Variants in SS18 observed in about 807,000 individuals in gnomAD.
SS18 encodes protein SSXT.
A neutral mutation model predicts 72.5 loss-of-function variants in SS18; 28 were observed. The ratio of observed to expected loss-of-function variants is 0.39; its 90% confidence interval spans 0.29 to 0.53. SS18 has a LOEUF of 0.53. Among genes scored for constraint, SS18 ranks in the 20% least tolerant of loss-of-function variants. The probability of loss-of-function intolerance (pLI) is 0.76; values close to 1 mark genes in which losing one functional copy is unlikely to be tolerated. For missense variants in SS18, 518 were observed against 535.3 expected, an observed-to-expected ratio of 0.97 and a Z score of 0.32; for synonymous variants, 172 against 164.2, an observed-to-expected ratio of 1.05 and a Z score of -0.37.
At chr18:26,071,834 A>T (rs547401905) in intron 3 of SS18, among the ~76,000 whole-genome samples, 1 of 149,780 alleles carries the variant, frequency 6.7e-6, no homozygotes, top group Non-Finnish European at 1.5e-5. Context: ...TCTCCAGAGG[A>T]AAAAAAAAAG....
At chr18:26,037,737 G>C (rs897081280) in intron 7 of SS18, among the ~76,000 whole-genome samples, 13 of 151,934 alleles carry the variant, frequency 8.6e-5, no homozygotes, top group African/African-American at 2.7e-4. Context: ...TAAGGCTTTT[G>C]GCAAACCCTA....
intron 7 of SS18, among the ~76,000 whole-genome samples, chr18:26,037,450 C>G (rs2053645379): frequency 6.6e-6 from 1 of 151,984 alleles, no homozygotes; most frequent in Admixed American, 6.6e-5. Flanking sequence ...CTACAACAAT[C>G]TTACTAAAGT....
rs1056464803 is a variant in SS18, at chr18:26,038,479, A to T, written c.880+76T>A. ...ATTGTTAGTTTCTTCGTCCTCACTG[A>T]AATGTTTTAAATAACTCTCTACATT... On this transcript the variant is annotated intron_variant, in intron 7 of 10. Coordinates refer to ENST00000415083, the MANE Select transcript of SS18 (RefSeq NM_001007559.3). 7 of 1,353,790 alleles carry T rather than the reference A, an allele frequency of 5.2e-6. No homozygotes were observed. The Admixed American group carries it at 1.2e-4, about 23-fold the overall frequency. 83.9% of individuals were successfully genotyped at this position (1,353,790 alleles called of 1,614,324 possible).
chr18:26,077,459 T>C (rs1301970765), intron 3 of SS18, among the ~76,000 whole-genome samples: 6 of 151,876 alleles, frequency 4.0e-5, no homozygotes, highest in Admixed American at 6.6e-5. Flanking sequence ...AACAAATAAA[T>C]GAAGATTTAA....
rs1307831975 is a variant in SS18, at chr18:26,017,774, T to TG, written c.*579dup. 5 of 223,816 alleles carry TG rather than the reference T, an allele frequency of 2.2e-5. No individual in the cohort carries two copies. The highest frequency in any genetic ancestry group is 3.6e-5 in the Non-Finnish European group (4 of 112,258). The allele number at this position is 223,816 out of a possible 1,614,324, so 13.9% of individuals were successfully genotyped here. ...AGAACAGAACAGTGGACATATGGTG[T>TG]GCTTTGTCTTCCCCTCACCTTTATC... On this transcript the variant is annotated 3_prime_UTR_variant, in exon 11 of 11. Transcript: ENST00000415083.
Position 26,039,288 on chromosome 18 carries a change from C to A in SS18, c.775+1G>T. On this transcript the variant is annotated splice_donor_variant, in intron 6 of 10. Coordinates refer to ENST00000415083, the MANE Select transcript of SS18 (RefSeq NM_001007559.3). LOFTEE classifies it high-confidence loss of function. ...AGCAAATTTTCCAAATGGAATCTTA[C>A]CCTGTTGAGGAGGTCTATAGGGAGG... 6.3e-7 allele frequency: 1 copy of A among 1,597,254 alleles called. No homozygotes were observed. Among genetic ancestry groups the A allele is most frequent in the Non-Finnish European group, 8.5e-7 (1 of 1,169,724 alleles).
intron 2 of SS18, chr18:26,080,361 G>A (rs1021065887): frequency 1.8e-5 from 18 of 985,384 alleles, no homozygotes; most frequent in South Asian, 4.7e-5. Flanking sequence ...ATGGTTGCAC[G>A]ACATGAGATT....
rs752469331 is a variant in SS18, at chr18:26,035,801, A to G, written c.973+30T>C. 1 of 1,441,140 alleles carries G rather than the reference A, an allele frequency of 6.9e-7. No homozygotes were observed. The highest frequency in any genetic ancestry group is 9.6e-7 in the Non-Finnish European group (1 of 1,041,022). The allele number at this position is 1,441,140 out of a possible 1,614,324, so 89.3% of individuals were successfully genotyped here. A position where few individuals can be genotyped will look rare whatever the true frequency, so the allele number is the denominator to read the frequency against. On this transcript the variant is annotated intron_variant, in intron 8 of 10. Coordinates refer to ENST00000415083, the MANE Select transcript of SS18 (RefSeq NM_001007559.3). The surrounding 1 kb of genome is among the most constrained non-coding windows in gnomAD (Gnocchi z 4.4). Reference sequence around the variant, plus strand: ...TTCATTCCTGTAGAAGGGGATATATATGTGTATGTGTGTGAAGGTATATAG... The same window carrying G: ...TTCATTCCTGTAGAAGGGGATATATGTGTGTATGTGTGTGAAGGTATATAG...
rs1412129907 is a variant in SS18, at chr18:26,038,928, T to C, written c.776-269A>G. 2.0e-5 allele frequency among the ~76,000 whole-genome samples: 3 copies of C among 152,196 alleles called. No individual in the cohort carries two copies. In the South Asian group the frequency reaches 6.2e-4, roughly 32 times the overall value. On this transcript the variant is annotated intron_variant, in intron 6 of 10. Transcript: ENST00000415083. The stretch of plus-strand genomic sequence containing the variant: ...AAAACAAATGCTAACTTCTTAAAAA[T>C]AGGTTCAAACTAGTAGCAAATTTAT...
chr18:26,033,437 G>A (rs1207318637), intron 9 of SS18, among the ~76,000 whole-genome samples: 4 of 151,666 alleles, frequency 2.6e-5, no homozygotes, highest in South Asian at 2.1e-4. Context: ...GCTTGAACCC[G>A]GGAAGCAGAG....
intron 3 of SS18, among the ~76,000 whole-genome samples, chr18:26,066,627 C>CAT (rs1432348485): frequency 2.6e-5 from 4 of 151,896 alleles, no homozygotes; most frequent in African/African-American, 7.3e-5. Context: ...CACACACACA[C>CAT]ACATTTCTGT....
intron 5 of SS18, among the ~76,000 whole-genome samples, chr18:26,046,495 C>A (rs2053826205): frequency 1.3e-5 from 2 of 152,150 alleles, no homozygotes; most frequent in Non-Finnish European, 2.9e-5. Flanking sequence ...TCCTCTGGGA[C>A]ATTTTCATCC....
At chr18:26,063,991 T>C (rs1323213067) in intron 3 of SS18, among the ~76,000 whole-genome samples, 1 of 152,120 alleles carries the variant, frequency 6.6e-6, no homozygotes, top group African/African-American at 2.4e-5. Flanking sequence ...GGGATATTAA[T>C]ATGGGCAGTA....
At chr18:26,051,162 A>G (rs4800709) in intron 5 of SS18, among the ~76,000 whole-genome samples, 29,309 of 151,994 alleles carry the variant, frequency 0.19, 5,819 homozygotes, top group African/African-American at 0.5. Flanking sequence ...ATACCAAGAC[A>G]TTGTTTCTAT....
chr18:26,063,245 T>C (rs1016846958), intron 3 of SS18, among the ~76,000 whole-genome samples: 21 of 151,894 alleles, frequency 1.4e-4, no homozygotes, highest in African/African-American at 4.4e-4. Context: ...GTAGGCCGGG[T>C]GCGGTGGTTC....
At position 26,035,159 on chromosome 18, in the gene SS18, C is replaced by T; in HGVS notation, c.974-32G>A. 2 of 1,606,194 alleles carry T rather than the reference C, an allele frequency of 1.2e-6. No homozygotes were observed. Among genetic ancestry groups the T allele is most frequent in the Non-Finnish European group, 8.5e-7 (1 of 1,175,462 alleles). Reference sequence around the variant, plus strand: ...GATAATTGGAGAAGAGGAAAAAAAACTGAGAAGTCTGCTTAAGTAACTTTT... The same window carrying T: ...GATAATTGGAGAAGAGGAAAAAAAATTGAGAAGTCTGCTTAAGTAACTTTT... On this transcript the variant is annotated intron_variant, in intron 8 of 10. Coordinates refer to ENST00000415083, the MANE Select transcript of SS18 (RefSeq NM_001007559.3). This position sits in a 1 kb window ranked among gnomAD's most constrained non-coding sequence, Gnocchi z 4.4.
chr18:26,016,891 G>A lies in SS18; in HGVS notation c.*1463C>T, dbSNP rs1175615552. 8.8e-6 allele frequency: 2 copies of A among 227,522 alleles called. No individual in the cohort carries two copies. The highest frequency in any genetic ancestry group is 2.2e-5 in the African/African-American group (1 of 44,910). 14.1% of individuals were successfully genotyped at this position (227,522 alleles called of 1,614,324 possible). A position where few individuals can be genotyped will look rare whatever the true frequency, so the allele number is the denominator to read the frequency against. On this transcript the variant is annotated 3_prime_UTR_variant, in exon 11 of 11. Transcript: ENST00000415083. ...TGTTCTGCTTATTCAAATTTATGAC[G>A]CCCCTTCTGTTTTGTTTCCAGTTAG...
In SS18 at chr18:26,018,240, G is replaced by T. The variant is rs1036151118; in HGVS notation, c.*114C>A. The stretch of plus-strand genomic sequence containing the variant: ...GATGAAACAGCCACTTATCCACAAG[G>T]TTTTTCCAAAAACTAGATGGAATGG... On this transcript the variant is annotated 3_prime_UTR_variant, in exon 11 of 11. Coordinates refer to ENST00000415083, the MANE Select transcript of SS18 (RefSeq NM_001007559.3). 9.7e-6 allele frequency: 9 copies of T among 925,490 alleles called. No individual in the cohort carries two copies. In the African/African-American group the frequency reaches 1.5e-4, roughly 16 times the overall value. The allele number at this position is 925,490 out of a possible 1,614,324, so 57.3% of individuals were successfully genotyped here.
At chr18:26,020,128 T>C (rs571983763) in intron 10 of SS18, among the ~76,000 whole-genome samples, 3 of 152,314 alleles carry the variant, frequency 2.0e-5, no homozygotes, top group East Asian at 3.9e-4. Flanking sequence ...TATTATTCCA[T>C]TGTTAGATTG....
Sources: gnomAD v4.1 joint callset for allele counts (sites outside exome capture counted in the v4.1 genomes callset) on GRCh38, gnomAD v4.1.1 for gene constraint, Gnocchi (gnomAD v3.1) non-coding constraint, MANE v1.5 for transcripts, NCBI Gene and HGNC (gene_info 2026-07-23, HGNC 2026-07-21) for gene names.